Variants in TEX13D observed in about 807,000 individuals in gnomAD.
The protein encoded by TEX13D is TEX13 family member D.
For missense variants in TEX13D, 261 were observed against 265.8 expected, an observed-to-expected ratio of 0.98 and a Z score of 0.12; for synonymous variants, 115 against 104.5, an observed-to-expected ratio of 1.10 and a Z score of -0.61.
In TEX13D at chrX:124,334,117, C is replaced by G; in HGVS notation, c.1200C>G (p.Pro400=). The change falls in exon 1 of 1, where the codon CCC becomes CCG. Residue 400 remains proline (P), a synonymous_variant. Transcript: ENST00000632372. Reference sequence around the variant, plus strand: ...ACAAATCAGAAGGTCCAGAGGGGCCCCAGGGGACGGTCCCCCAGGGAGACA... The same window carrying G: ...ACAAATCAGAAGGTCCAGAGGGGCCGCAGGGGACGGTCCCCCAGGGAGACA... ...RSHKSEGPEG[P]QGTVPQGDSR... 2.1e-6 allele frequency: 2 copies of G among 935,045 alleles called. No homozygotes were observed. Among genetic ancestry groups the G allele is most frequent in the Non-Finnish European group, 2.6e-6 (2 of 755,074 alleles). The allele number at this position is 935,045 out of a possible 1,213,427, so 77.1% of individuals were successfully genotyped here.
chrX:124,335,143 T>A lies in TEX13D; in HGVS notation c.*81T>A. On this transcript the variant is annotated 3_prime_UTR_variant, in exon 1 of 1. Transcript: ENST00000632372. The stretch of plus-strand genomic sequence containing the variant: ...ACCCTCTTCTGATTAAAGTATAACT[T>A]ATTTACTTCACAGAAAAATTGAACC... The A allele has an allele frequency of 1.4e-6, 1 of 695,874 alleles. No individual in the cohort carries two copies. Among genetic ancestry groups the A allele is most frequent in the Non-Finnish European group, 1.9e-6 (1 of 535,372 alleles). 57.3% of individuals were successfully genotyped at this position (695,874 alleles called of 1,213,427 possible). A position where few individuals can be genotyped will look rare whatever the true frequency, so the allele number is the denominator to read the frequency against.
chrX:124,333,647 C>T lies in TEX13D; in HGVS notation c.730C>T (p.Pro244Ser), dbSNP rs181900500. Residue 244 changes from proline to serine, a missense_variant, in exon 1 of 1, where the codon CCA becomes TCA. Transcript: ENST00000632372. ...PMKFPSLPPL[P>S]PAVVTGAEAA... ...GAAATTCCCATCCTTGCCACCTCTA[C>T]CACCTGCTGTAGTCACGGGGGCAGA... 304 of 296,190 alleles carry T rather than the reference C, an allele frequency of 1.0e-3. 2 individuals are homozygous for T. The East Asian group carries it at 0.013, about 13-fold the overall frequency. The allele number at this position is 296,190 out of a possible 1,213,427, so 24.4% of individuals were successfully genotyped here.
rs1042064290 is a variant in TEX13D, at chrX:124,335,009, T to C, written c.2092T>C (p.Tyr698His). 151 of 937,337 alleles carry C rather than the reference T, an allele frequency of 1.6e-4. No homozygotes were observed. The highest frequency in any genetic ancestry group is 1.9e-4 in the Non-Finnish European group (143 of 756,184). The allele number at this position is 937,337 out of a possible 1,213,427, so 77.2% of individuals were successfully genotyped here. Reference sequence around the variant, plus strand: ...TAATTTTTCATGGCGTACGGCCTGCTATAAATGCAAGAAAGCCTGTGTGCC... The same window carrying C: ...TAATTTTTCATGGCGTACGGCCTGCCATAAATGCAAGAAAGCCTGTGTGCC... ...AINFSWRTAC[Y>H]KCKKACVPFE... The change falls in exon 1 of 1, where the codon TAT becomes CAT. Residue 698 changes from tyrosine to histidine, a missense_variant. Transcript: ENST00000632372.
In TEX13D at chrX:124,335,229, T is replaced by G. The variant is rs1454802583; in HGVS notation, c.*167T>G. On this transcript the variant is annotated 3_prime_UTR_variant, in exon 1 of 1. Coordinates refer to ENST00000632372, the MANE Select transcript of TEX13D (RefSeq NM_001355534.2). ...TATCCCATTACCCAAATTAGCCATT[T>G]TAAAAGTTGTTTTGGATACACATAC... 7 of 333,992 alleles carry G rather than the reference T, an allele frequency of 2.1e-5. No individual in the cohort carries two copies. Among genetic ancestry groups the G allele is most frequent in the Non-Finnish European group, 3.4e-5 (7 of 208,039 alleles). The allele number at this position is 333,992 out of a possible 1,213,427, so 27.5% of individuals were successfully genotyped here.
Position 124,334,210 on chromosome X carries a change from G to A in TEX13D, c.1293G>A (p.Arg431=), listed in dbSNP as rs1487731613. ...AGATGGCCACCCTGGTGTTTATCAGGAGGTGCAAACCAGAAGGTCCAAAGA... is the reference window on the plus strand; with the variant it reads ...AGATGGCCACCCTGGTGTTTATCAGAAGGTGCAAACCAGAAGGTCCAAAGA... The part of the protein sequence containing the change: ...AQEMATLVFI[R]RCKPEGPKRP... The change falls in exon 1 of 1, where the codon AGG becomes AGA. Residue 431 remains arginine (R), a synonymous_variant. Transcript: ENST00000632372. 7.5e-6 allele frequency: 7 copies of A among 932,110 alleles called. No homozygotes were observed. The highest frequency in any genetic ancestry group is 5.9e-5 in the Admixed American group (1 of 16,893). 76.8% of individuals were successfully genotyped at this position (932,110 alleles called of 1,213,427 possible).
chrX:124,334,323 G>A lies in TEX13D; in HGVS notation c.1406G>A (p.Gly469Glu). The A allele has an allele frequency of 2.3e-6, 1 of 444,073 alleles. No individual in the cohort carries two copies. The allele number at this position is 444,073 out of a possible 1,213,427, so 36.6% of individuals were successfully genotyped here. A position where few individuals can be genotyped will look rare whatever the true frequency, so the allele number is the denominator to read the frequency against. The change falls in exon 1 of 1, where the codon GGA becomes GAA. Residue 469 changes from glycine (G) to glutamate (E), a missense_variant. Gly to Glu is a moderately conservative substitution (Grantham distance 98). Coordinates refer to ENST00000632372, the MANE Select transcript of TEX13D (RefSeq NM_001355534.2). Reference sequence around the variant, plus strand: ...GGGCCCCAGAGGATTGTCCTCCAGGGAGACAACAGGAGCTATAGCCAGGAA... The same window carrying A: ...GGGCCCCAGAGGATTGTCCTCCAGGAAGACAACAGGAGCTATAGCCAGGAA... Reference protein sequence around the residue: ...PEGPQRIVLQGDNRSYSQEGS... With the variant: ...PEGPQRIVLQEDNRSYSQEGS...
rs2059966231 is a variant in TEX13D at position 124,333,446 on chromosome X, C to A, written c.529C>A (p.Pro177Thr). 3.1e-6 allele frequency: 1 copy of A among 322,896 alleles called. No individual in the cohort carries two copies. The highest frequency in any genetic ancestry group is 4.7e-5 in the East Asian group (1 of 21,250). The allele number at this position is 322,896 out of a possible 1,213,427, so 26.6% of individuals were successfully genotyped here. The part of the protein sequence containing the change: ...QAEQNGAAAC[P>T]LATEQQSDMV... ...AGAGCAGAATGGGGCTGCGGCATGT[C>A]CCCTGGCTACAGAGCAGCAGAGCGA... The change falls in exon 1 of 1, where the codon CCC (proline) becomes ACC (threonine). Residue 177 changes from proline (P) to threonine (T), a missense_variant. Physicochemically the swap from Pro to Thr is conservative, Grantham distance 38 (BLOSUM62 -1). Coordinates refer to ENST00000632372, the MANE Select transcript of TEX13D (RefSeq NM_001355534.2).
Position 124,334,183 on chromosome X carries a change from G to A in TEX13D, c.1266G>A (p.Gln422=). ...AGGAAGGATGTTCAGATAGGGCCCA[G>A]GAGATGGCCACCCTGGTGTTTATCA... is the stretch of plus-strand genomic sequence containing the variant. ...YSQEGCSDRA[Q]EMATLVFIRR... Residue 422 remains glutamine (Q), a synonymous_variant, in exon 1 of 1, where the codon CAG becomes CAA. Coordinates refer to ENST00000632372, the MANE Select transcript of TEX13D (RefSeq NM_001355534.2). The A allele has an allele frequency of 1.1e-6, 1 of 936,210 alleles. No individual in the cohort carries two copies. The highest frequency in any genetic ancestry group is 1.3e-6 in the Non-Finnish European group (1 of 755,199). 77.2% of individuals were successfully genotyped at this position (936,210 alleles called of 1,213,427 possible).
Position 124,335,091 on chromosome X carries a change from A to G in TEX13D, c.*29A>G. The G allele has an allele frequency of 4.4e-6, 4 of 903,636 alleles. No homozygotes were observed. The highest frequency in any genetic ancestry group is 5.5e-6 in the Non-Finnish European group (4 of 724,589). The allele number at this position is 903,636 out of a possible 1,213,427, so 74.5% of individuals were successfully genotyped here. A position where few individuals can be genotyped will look rare whatever the true frequency, so the allele number is the denominator to read the frequency against. Reference sequence around the variant, plus strand: ...CAGGAAGGTAAGTAAGAATGGACACACTTCAAAGAGAAAGCAATTTCCTAA... The same window carrying G: ...CAGGAAGGTAAGTAAGAATGGACACGCTTCAAAGAGAAAGCAATTTCCTAA... On this transcript the variant is annotated 3_prime_UTR_variant, in exon 1 of 1. Transcript: ENST00000632372.
Position 124,333,328 on chromosome X carries a change from T to C in TEX13D, c.411T>C (p.Asn137=). Residue 137 remains asparagine, a synonymous_variant, in exon 1 of 1, where the codon AAT becomes AAC. Coordinates refer to ENST00000632372, the MANE Select transcript of TEX13D (RefSeq NM_001355534.2). The part of the protein sequence containing the change: ...LAQAALQQAL[N]ERDGLYGRLL... ...AGGCTGCCCTGCAGCAGGCGCTGAA[T>C]GAGCGTGATGGGCTGTACGGGAGGC... 1 of 408,860 alleles carries C rather than the reference T, an allele frequency of 2.4e-6. No homozygotes were observed. The highest frequency in any genetic ancestry group is 4.2e-6 in the Non-Finnish European group (1 of 237,527). The allele number at this position is 408,860 out of a possible 1,213,427, so 33.7% of individuals were successfully genotyped here.
In TEX13D at chrX:124,332,702, G is replaced by A. The variant is rs1230516647; in HGVS notation, c.-216G>A. Reference sequence around the variant, plus strand: ...TGTCGCGGAGTCGCCGGTAGGGTTCGGTGTGGCGAGGGGGACCTGCTTCTC... The same window carrying A: ...TGTCGCGGAGTCGCCGGTAGGGTTCAGTGTGGCGAGGGGGACCTGCTTCTC... On this transcript the variant is annotated 5_prime_UTR_variant, in exon 1 of 1. Transcript: ENST00000632372. 1.9e-5 allele frequency: 5 copies of A among 263,446 alleles called. No homozygotes were observed. Among genetic ancestry groups the A allele is most frequent in the African/African-American group, 1.1e-4 (4 of 35,535 alleles). 21.7% of individuals were successfully genotyped at this position (263,446 alleles called of 1,213,427 possible). A position where few individuals can be genotyped will look rare whatever the true frequency, so the allele number is the denominator to read the frequency against.
At position 124,333,713 on chromosome X, in the gene TEX13D, C is replaced by A; in HGVS notation, c.796C>A (p.His266Asn). The A allele has an allele frequency of 3.4e-6, 1 of 297,820 alleles. No homozygotes were observed. The highest frequency in any genetic ancestry group is 4.7e-5 in the East Asian group (1 of 21,055). The allele number at this position is 297,820 out of a possible 1,213,427, so 24.5% of individuals were successfully genotyped here. ...VPLQMPPTEI[H>N]PPCPWPAVGF... ...ACTTCAGATGCCTCCTACTGAGATCCACCCACCTTGCCCGTGGCCTGCAGT... is the reference window on the plus strand; with the variant it reads ...ACTTCAGATGCCTCCTACTGAGATCAACCCACCTTGCCCGTGGCCTGCAGT... Residue 266 changes from histidine (H) to asparagine (N), a missense_variant, in exon 1 of 1, where the codon CAC (histidine) becomes AAC (asparagine). His to Asn is a moderately conservative substitution (Grantham distance 68, BLOSUM62 1). Transcript: ENST00000632372.
chrX:124,336,425 G>A lies in TEX13D; in HGVS notation c.*1363G>A, dbSNP rs1166992983. 1 of 112,117 alleles carries A rather than the reference G, an allele frequency of 8.9e-6. No individual in the cohort carries two copies. Among genetic ancestry groups the A allele is most frequent in the African/African-American group, 3.2e-5 (1 of 30,808 alleles). 9.2% of individuals were successfully genotyped at this position (112,117 alleles called of 1,213,427 possible). ...CTGGGGTGTCTTGAAGAAAGACAGT[G>A]CTCTGAGGAGTATTCACTACACACT... On this transcript the variant is annotated 3_prime_UTR_variant, in exon 1 of 1. Transcript: ENST00000632372.
chrX:124,333,299 G>C lies in TEX13D; in HGVS notation c.382G>C (p.Ala128Pro). 2.4e-6 allele frequency: 1 copy of C among 421,505 alleles called. No homozygotes were observed. The highest frequency in any genetic ancestry group is 4.1e-6 in the Non-Finnish European group (1 of 244,652). The allele number at this position is 421,505 out of a possible 1,213,427, so 34.7% of individuals were successfully genotyped here. A position where few individuals can be genotyped will look rare whatever the true frequency, so the allele number is the denominator to read the frequency against. Residue 128 changes from alanine (A) to proline (P), a missense_variant, in exon 1 of 1, where the codon GCG becomes CCG. Coordinates refer to ENST00000632372, the MANE Select transcript of TEX13D (RefSeq NM_001355534.2). ...GGTGGCGGCAACACAGCTGCACCTCGCGCAGGCTGCCCTGCAGCAGGCGCT... is the reference window on the plus strand; with the variant it reads ...GGTGGCGGCAACACAGCTGCACCTCCCGCAGGCTGCCCTGCAGCAGGCGCT... ...HEVAATQLHL[A>P]QAALQQALNE... is the part of the protein sequence containing the mutation.
At position 124,334,108 on chromosome X, in the gene TEX13D, A is replaced by G. The variant is rs1603235550; in HGVS notation, c.1191A>G (p.Pro397=). The G allele has an allele frequency of 3.2e-6, 3 of 936,022 alleles. No individual in the cohort carries two copies. The highest frequency in any genetic ancestry group is 8.4e-5 in the East Asian group (2 of 23,941). The allele number at this position is 936,022 out of a possible 1,213,427, so 77.1% of individuals were successfully genotyped here. ...GCAGGAGCCACAAATCAGAAGGTCC[A>G]GAGGGGCCCCAGGGGACGGTCCCCC... ...VFRRSHKSEG[P]EGPQGTVPQG... Residue 397 remains proline (P), a synonymous_variant, in exon 1 of 1, where the codon CCA becomes CCG. Transcript: ENST00000632372.
At position 124,333,819 on chromosome X, in the gene TEX13D, C is replaced by T. The variant is rs2059967211; in HGVS notation, c.902C>T (p.Ser301Leu). The T allele has an allele frequency of 6.7e-6, 2 of 298,704 alleles. No individual in the cohort carries two copies. Among genetic ancestry groups the T allele is most frequent in the Admixed American group, 1.2e-4 (2 of 16,512 alleles). 24.6% of individuals were successfully genotyped at this position (298,704 alleles called of 1,213,427 possible). A position where few individuals can be genotyped will look rare whatever the true frequency, so the allele number is the denominator to read the frequency against. The change falls in exon 1 of 1, where the codon TCA becomes TTA. Residue 301 changes from serine to leucine, a missense_variant. By Grantham distance (145) the Ser-to-Leu change is moderately radical (BLOSUM62 -2). Coordinates refer to ENST00000632372, the MANE Select transcript of TEX13D (RefSeq NM_001355534.2). ...QEEDSKILQG[S>L]FPLGDSRSHS... ...GAAGATTCCAAAATCCTTCAGGGGTCATTCCCCTTAGGAGACAGCAGAAGC... is the reference window on the plus strand; with the variant it reads ...GAAGATTCCAAAATCCTTCAGGGGTTATTCCCCTTAGGAGACAGCAGAAGC...
chrX:124,336,766 G>A lies in TEX13D; in HGVS notation c.*1704G>A, dbSNP rs2059973884. ...TCTGCCTCCAGTCCAAGCTAAAGAT[G>A]TCTTCAAGTTTCCCTGTAAGATCCC... On this transcript the variant is annotated 3_prime_UTR_variant, in exon 1 of 1. Transcript: ENST00000632372. The A allele has an allele frequency of 9.0e-6, 1 of 111,522 alleles. No homozygotes were observed. The highest frequency in any genetic ancestry group is 1.9e-5 in the Non-Finnish European group (1 of 53,117). The allele number at this position is 111,522 out of a possible 1,213,427, so 9.2% of individuals were successfully genotyped here. A position where few individuals can be genotyped will look rare whatever the true frequency, so the allele number is the denominator to read the frequency against.
chrX:124,335,055 C>T lies in TEX13D; in HGVS notation c.2138C>T (p.Thr713Ile), dbSNP rs2059971000. 1.1e-6 allele frequency: 1 copy of T among 935,151 alleles called. No individual in the cohort carries two copies. Among genetic ancestry groups the T allele is most frequent in the African/African-American group, 2.0e-5 (1 of 48,838 alleles). 77.1% of individuals were successfully genotyped at this position (935,151 alleles called of 1,213,427 possible). ...GTGCCATTTGAGAGTGGAGGACAAA[C>T]TCAGTGATTTCAGGAAGGTAAGTAA... ...ACVPFESGGQ[T>I]Q is the part of the protein sequence containing the mutation. Residue 713 changes from threonine (T) to isoleucine (I), a missense_variant, in exon 1 of 1, where the codon ACT becomes ATT. Coordinates refer to ENST00000632372, the MANE Select transcript of TEX13D (RefSeq NM_001355534.2).
chrX:124,333,889 C>A lies in TEX13D; in HGVS notation c.972C>A (p.Leu324=). ...CAGAGAGGTCCCAAAGAATGCCCCT[C>A]CCCGGGGACAGTGGGTGCCACAACC... ...EGSERSQRMP[L]PGDSGCHNPL... The change falls in exon 1 of 1, where the codon CTC becomes CTA. Residue 324 remains leucine (L), a synonymous_variant. Transcript: ENST00000632372. The A allele has an allele frequency of 2.9e-6, 1 of 345,373 alleles. No homozygotes were observed. The highest frequency in any genetic ancestry group is 4.7e-6 in the Non-Finnish European group (1 of 214,777). The allele number at this position is 345,373 out of a possible 1,213,427, so 28.5% of individuals were successfully genotyped here.
Sources: allele counts gnomAD v4.1 joint callset, GRCh38; gene constraint gnomAD v4.1.1; transcripts MANE v1.5; gene names NCBI Gene and HGNC (gene_info 2026-07-23, HGNC 2026-07-21).